The following ATP2B2 variants were observed in gnomAD, a reference collection of about 807,000 sequenced individuals.
The protein encoded by ATP2B2 is ATPase plasma membrane Ca2+ transporting 2, also known as plasma membrane calcium-transporting ATPase 2.
ATP2B2 carries 15 observed loss-of-function variants against 120.0 expected under a neutral mutation model. The observed-to-expected ratio is 0.12, with a 90% CI of 0.08 to 0.19. The LOEUF is 0.19. Among genes scored for constraint, ATP2B2 ranks in the 10% least tolerant of loss-of-function variants. The pLI, the probability that ATP2B2 is intolerant of heterozygous loss-of-function variation, is 1.00. For synonymous variants in ATP2B2, 694 were observed against 700.3 expected, an observed-to-expected ratio of 0.99 and a Z score of 0.14; for missense variants, 1,045 against 1,719.8, an observed-to-expected ratio of 0.61 and a Z score of 6.94.
intron 1 of ATP2B2, among the ~76,000 whole-genome samples, chr3:10,472,384 T>A (rs1311502886): frequency 6.6e-6 from 1 of 152,170 alleles, no homozygotes; most frequent in Non-Finnish European, 1.5e-5. Context: ...GTCTCTGTGG[T>A]GCCTGCACTG....
rs988208312 is a variant in ATP2B2, at chr3:10,353,523, G to A, written c.2137-2946C>T. Among the ~76,000 whole-genome samples the A allele has an allele frequency of 6.6e-5, 10 of 152,328 alleles. No homozygotes were observed. The South Asian group carries it at 8.3e-4, about 13-fold the overall frequency. The stretch of plus-strand genomic sequence containing the variant: ...GCTGCAGGTGATCTGGAGGGGCTGA[G>A]GGAAGATGTGGGGTAGGGACTGGAG... On this transcript the variant is annotated intron_variant, in intron 14 of 22. Coordinates refer to ENST00000360273, the MANE Select transcript of ATP2B2 (RefSeq NM_001001331.4).
At chr3:10,373,804 G>C (rs1265487214) in intron 11 of ATP2B2, among the ~76,000 whole-genome samples, 2 of 152,092 alleles carry the variant, frequency 1.3e-5, no homozygotes, top group Non-Finnish European at 2.9e-5. Context: ...GAACTTCCGG[G>C]CTCAAGCGAT....
chr3:10,488,374 C>T (rs534316845), intron 1 of ATP2B2, among the ~76,000 whole-genome samples: 1 of 151,672 alleles, frequency 6.6e-6, no homozygotes, highest in African/African-American at 2.4e-5. Flanking sequence ...TCGATCCATC[C>T]ATCCACCCAT....
chr3:10,350,633 T>G, intron 14 of ATP2B2, 56 bp from the exon 15 acceptor site: 1 of 1,570,810 alleles, frequency 6.4e-7, no homozygotes, highest in Non-Finnish European at 8.7e-7. Flanking sequence ...AGACTCCCCC[T>G]GCCTTCATGG....
In ATP2B2 at chr3:10,635,161, G is replaced by C. The variant is rs2069986370; in HGVS notation, c.-459-15200C>G. On this transcript the variant is annotated intron_variant, in intron 1 of 21. Coordinates refer to the ATP2B2 transcript ENST00000646379. This position sits in a 1 kb window ranked among gnomAD's most constrained non-coding sequence, Gnocchi z 4.3. ...AGGATATGGAAAGTGTCACTACTCA[G>C]CTCAAGGTTGCCTGAGCTTCCAATT... Among the ~76,000 whole-genome samples, 1 of 152,142 alleles carries C rather than the reference G, an allele frequency of 6.6e-6. No homozygotes were observed. Among genetic ancestry groups the C allele is most frequent in the Admixed American group, 6.5e-5 (1 of 15,276 alleles).
intron 5 of ATP2B2, among the ~76,000 whole-genome samples, chr3:10,392,779 G>T (rs538078744): frequency 3.3e-5 from 5 of 152,390 alleles, no homozygotes; most frequent in South Asian, 4.1e-4. Context: ...TGACCTTGGG[G>T]CCAGCCCCTC....
intron 1 of ATP2B2, among the ~76,000 whole-genome samples, chr3:10,660,036 T>A (rs2070739432): frequency 6.6e-6 from 1 of 152,202 alleles, no homozygotes; most frequent in Non-Finnish European, 1.5e-5. Flanking sequence ...ATACAGATGT[T>A]CTTTGAAACC....
chr3:10,394,562 G>C (rs566725556), intron 5 of ATP2B2: 15 of 462,754 alleles, frequency 3.2e-5, no homozygotes, highest in Non-Finnish European at 6.8e-5. Context: ...AGAGAGTGCG[G>C]GCCGAGTAGC....
At position 10,482,503 on chromosome 3, in the gene ATP2B2, T is replaced by A. The variant is rs536376660; in HGVS notation, c.-320+22962A>T. Among the ~76,000 whole-genome samples the A allele has an allele frequency of 2.6e-5, 4 of 152,290 alleles. No individual in the cohort carries two copies. In the South Asian group the frequency reaches 6.2e-4, roughly 24 times the overall value. ...GCAATGGCCTAAGGCAGCCCTTTCC[T>A]GGCCAGGCTGATGGTGAGGAGAAGG... On this transcript the variant is annotated intron_variant, in intron 1 of 22. Coordinates refer to ENST00000360273, the MANE Select transcript of ATP2B2 (RefSeq NM_001001331.4).
At chr3:10,360,931 C>A (rs1469005148) in intron 12 of ATP2B2, among the ~76,000 whole-genome samples, 1 of 152,152 alleles carries the variant, frequency 6.6e-6, no homozygotes, top group Non-Finnish European at 1.5e-5. Context: ...CCCCCGACTC[C>A]CTGGCCATGG....
intron 1 of ATP2B2, among the ~76,000 whole-genome samples, chr3:10,479,569 C>T (rs1250865867): frequency 6.6e-6 from 1 of 151,982 alleles, no homozygotes; most frequent in African/African-American, 2.4e-5. Flanking sequence ...ACCCTTATCA[C>T]CACCTCCTAG....
chr3:10,665,389 G>A (rs545614983), intron 1 of ATP2B2, among the ~76,000 whole-genome samples: 2 of 152,234 alleles, frequency 1.3e-5, no homozygotes, highest in African/African-American at 4.8e-5. Context: ...GAGCATGCTG[G>A]CTGGGCTGTC....
chr3:10,505,854 G>A (rs2066608901), upstream of ATP2B2, among the ~76,000 whole-genome samples: 1 of 151,748 alleles, frequency 6.6e-6, no homozygotes, highest in Admixed American at 6.6e-5. Flanking sequence ...AATTCCTCCC[G>A]TGGGATCATG....
intron 1 of ATP2B2, among the ~76,000 whole-genome samples, chr3:10,695,374 C>G (rs562576248): frequency 6.6e-6 from 1 of 152,222 alleles, no homozygotes; most frequent in Admixed American, 6.5e-5. Context: ...GAAAGACCTG[C>G]TCCCATGATT....
At chr3:10,589,488 C>T (rs116502198) in intron 2 of ATP2B2, among the ~76,000 whole-genome samples, 6 of 152,264 alleles carry the variant, frequency 3.9e-5, no homozygotes, top group Admixed American at 2.0e-4. Flanking sequence ...AGTTCCGCTG[C>T]GATGCAAGTA....
chr3:10,612,023 T>C (rs929649320), intron 2 of ATP2B2, among the ~76,000 whole-genome samples: 5 of 152,224 alleles, frequency 3.3e-5, no homozygotes, highest in Admixed American at 2.6e-4. Context: ...TTACACTCTC[T>C]GTTCTAGAGT....
At chr3:10,417,066 C>CGGGGGGG (rs201363749) in intron 2 of ATP2B2, among the ~76,000 whole-genome samples, 2 of 38,106 alleles carry the variant, frequency 5.2e-5, no homozygotes, top group African/African-American at 4.6e-4. Flanking sequence ...TCCCAGACGG[C>CGGGGGGG]GGCGGGGGGG....
intron 2 of ATP2B2, among the ~76,000 whole-genome samples, chr3:10,538,749 A>T (rs990762425): frequency 6.6e-6 from 1 of 152,352 alleles, no homozygotes; most frequent in East Asian, 1.9e-4. Context: ...GCTATTTATG[A>T]CCAACCCACA....
intron 3 of ATP2B2, among the ~76,000 whole-genome samples, chr3:10,524,287 C>G (rs1022550720): frequency 2.0e-5 from 3 of 152,190 alleles, no homozygotes; most frequent in African/African-American, 7.2e-5. Flanking sequence ...CATGATATGC[C>G]AGGGTTGTAG....
Sources: gnomAD v4.1 joint callset for allele counts (sites outside exome capture counted in the v4.1 genomes callset) on GRCh38, gnomAD v4.1.1 for gene constraint, Gnocchi (gnomAD v3.1) non-coding constraint, MANE v1.5 for transcripts, NCBI Gene and HGNC (gene_info 2026-07-23, HGNC 2026-07-21) for gene names.